The following CD109 variants were observed in gnomAD, a reference collection of about 807,000 sequenced individuals.
CD109 encodes CD109 antigen.
CD109 carries 149 observed loss-of-function variants against 165.8 expected under a neutral mutation model. The observed-to-expected ratio is 0.90, with a 90% CI of 0.79 to 1.03. The LOEUF (loss-of-function observed/expected upper bound fraction) is 1.03. Ranked by LOEUF, CD109 falls within the 50% of genes least tolerant of loss-of-function variation. CD109 has a pLI of 0.00. For synonymous variants in CD109, 585 were observed against 592.1 expected (o/e 0.99, Z 0.18); for missense variants, 1,712 against 1,677.8 (o/e 1.02, Z -0.36).
intron 11 of CD109, among the ~76,000 whole-genome samples, 173 bp downstream of exon 11, chr6:73,766,327 A>G (rs958214723): frequency 6.6e-6 from 1 of 152,172 alleles, no homozygotes; most frequent in Admixed American, 6.5e-5. Flanking sequence ...GCTGAAGGTT[A>G]GACTAAATTT....
intron 30 of CD109, among the ~76,000 whole-genome samples, chr6:73,815,723 G>A (rs1775913284): frequency 6.6e-6 from 1 of 152,108 alleles, no homozygotes; most frequent in Admixed American, 6.6e-5. Flanking sequence ...AGGAAAAAGG[G>A]TTCTACCTCA....
Position 73,788,527 on chromosome 6 carries a change from G to T in CD109, c.2616G>T (p.Arg872Ser). ...QSILLDLTDNRLQSTLKTLSF... is the reference protein window; with the variant it reads ...QSILLDLTDNSLQSTLKTLSF... ...TCTTATTAGACTTGACTGACAATAG[G>T]CTACAGAGTACCCTGAAAACTTTGA... Residue 872 changes from arginine to serine, a missense_variant, in exon 22 of 33, where the codon AGG (arginine) becomes AGT (serine). Arg to Ser is a moderately radical substitution (Grantham distance 110). Coordinates refer to ENST00000287097, the MANE Select transcript of CD109 (RefSeq NM_133493.5). 6.2e-7 allele frequency: 1 copy of T among 1,612,932 alleles called. No homozygotes were observed. Among genetic ancestry groups the T allele is most frequent in the Non-Finnish European group, 8.5e-7 (1 of 1,179,488 alleles).
chr6:73,800,811 G>A (rs1775335531), intron 23 of CD109, among the ~76,000 whole-genome samples: 1 of 151,754 alleles, frequency 6.6e-6, no homozygotes, highest in Non-Finnish European at 1.5e-5. Flanking sequence ...CTTTATATAT[G>A]TATATACATG....
rs1306000925 is a variant in CD109 at position 73,768,061 on chromosome 6, T to C, written c.1504T>C (p.Ser502Pro). 1 of 1,612,810 alleles carries C rather than the reference T, an allele frequency of 6.2e-7. No homozygotes were observed. Among genetic ancestry groups the C allele is most frequent in the Non-Finnish European group, 8.5e-7 (1 of 1,179,310 alleles). ...RLKELSYMVV[S>P]RGQLVAVGKQ... The stretch of plus-strand genomic sequence containing the variant: ...CATCTACTGTTCTTTTCAGGTAGTA[T>C]CCAGGGGACAGTTGGTGGCTGTAGG... Residue 502 changes from serine to proline, a missense_variant, in exon 14 of 33, where the codon TCC (serine) becomes CCC (proline). Physicochemically the swap from Ser to Pro is moderately conservative, Grantham distance 74 (BLOSUM62 -1). Transcript: ENST00000287097.
chr6:73,813,361 G>A lies in CD109; in HGVS notation c.3768+1091G>A, dbSNP rs1775816110. Reference sequence around the variant, plus strand: ...TTATATGTACTTAAATCACCAAGTTGGTTGGAATTCATTTTTGATAAACCA... The same window carrying A: ...TTATATGTACTTAAATCACCAAGTTAGTTGGAATTCATTTTTGATAAACCA... On this transcript the variant is annotated intron_variant, in intron 29 of 32. Coordinates refer to ENST00000287097, the MANE Select transcript of CD109 (RefSeq NM_133493.5). Among the ~76,000 whole-genome samples the A allele has an allele frequency of 2.0e-5, 3 of 152,236 alleles. No homozygotes were observed. The South Asian group carries it at 6.2e-4, about 32-fold the overall frequency.
upstream of CD109, among the ~76,000 whole-genome samples, chr6:73,691,843 C>T (rs966906262): frequency 2.6e-5 from 4 of 151,966 alleles, no homozygotes; most frequent in Non-Finnish European, 5.9e-5. Context: ...ACACCTGAGA[C>T]TGGGTAACTT....
At chr6:73,739,623 C>T (rs562179825) in intron 5 of CD109, among the ~76,000 whole-genome samples, 69 of 152,044 alleles carry the variant, frequency 4.5e-4, no homozygotes, top group African/African-American at 1.2e-3. Context: ...CCGAGGCGGG[C>T]GGATCACGAG....
intron 15 of CD109, among the ~76,000 whole-genome samples, chr6:73,774,702 G>A (rs1313933966): frequency 1.3e-5 from 2 of 152,158 alleles, no homozygotes; most frequent in African/African-American, 2.4e-5. Context: ...GGAAATAAGA[G>A]CAAAGTTTAA....
intron 2 of CD109, among the ~76,000 whole-genome samples, chr6:73,701,664 A>G (rs976586522): frequency 6.6e-6 from 1 of 152,340 alleles, no homozygotes. Context: ...ACAATTTGAC[A>G]TTTTCATTTG....
intron 2 of CD109, among the ~76,000 whole-genome samples, chr6:73,715,661 A>G (rs1437541145): frequency 6.6e-6 from 1 of 152,056 alleles, no homozygotes; most frequent in East Asian, 1.9e-4. Flanking sequence ...GAAGATGTAT[A>G]TATTTACAGG....
intron 31 of CD109, 42 bp from the exon 32 acceptor site, chr6:73,820,419 C>A: frequency 9.2e-7 from 1 of 1,086,380 alleles, no homozygotes; most frequent in Non-Finnish European, 1.4e-6. Flanking sequence ...ATCATGAACA[C>A]ACAGTGTGCC....
At chr6:73,723,106 C>A in intron 2 of CD109, 145 bp from the exon 3 acceptor site, 2 of 1,533,280 alleles carry the variant, frequency 1.3e-6, no homozygotes, top group Non-Finnish European at 1.7e-6. Context: ...GTCTTCTGGG[C>A]ATTTAAATGT....
At chr6:73,689,559 C>T in the CD109 span, among the ~76,000 whole-genome samples, 1 of 152,088 alleles carries the variant, frequency 6.6e-6, no homozygotes, top group Admixed American at 6.5e-5. Flanking sequence ...TTCTTATATC[C>T]TTACACTACT....
intron 23 of CD109, among the ~76,000 whole-genome samples, chr6:73,796,324 C>T (rs990910773): frequency 6.6e-6 from 1 of 152,148 alleles, no homozygotes; most frequent in Non-Finnish European, 1.5e-5. Context: ...CTGGAGCTGG[C>T]TGTATCTGGA....
At chr6:73,742,029 A>C (rs867551621) in intron 5 of CD109, among the ~76,000 whole-genome samples, 16 of 152,238 alleles carry the variant, frequency 1.1e-4, no homozygotes, top group African/African-American at 3.9e-4. Context: ...ATAACGTAAA[A>C]TTTGCCATTG....
Position 73,810,059 on chromosome 6 carries a change from T to C in CD109, c.3431T>C (p.Val1144Ala). The change falls in exon 27 of 33, where the codon GTT becomes GCT. Residue 1144 changes from valine to alanine, a missense_variant. Coordinates refer to ENST00000287097, the MANE Select transcript of CD109 (RefSeq NM_133493.5). ...CAGCCACGCTCCCTGGATATTGAAG[T>C]TGCAGCCTATGCACTGCTCTCACAC... ...SWQPRSLDIE[V>A]AAYALLSHFL... 3 of 1,607,820 alleles carry C rather than the reference T, an allele frequency of 1.9e-6. No homozygotes were observed. Among genetic ancestry groups the C allele is most frequent in the East Asian group, 2.3e-5 (1 of 44,312 alleles).
intron 4 of CD109, among the ~76,000 whole-genome samples, chr6:73,734,983 C>T (rs1271169136): frequency 1.3e-5 from 2 of 152,130 alleles, no homozygotes; most frequent in African/African-American, 4.8e-5. Flanking sequence ...AAGAAGTCAC[C>T]TCTGCCTATT....
intron 23 of CD109, among the ~76,000 whole-genome samples, chr6:73,800,177 AC>A (rs1775311625): frequency 6.6e-6 from 1 of 152,088 alleles, no homozygotes; most frequent in African/African-American, 2.4e-5. Flanking sequence ...CCTTTTTATT[AC>A]ACAGAAGATA....
chr6:73,817,012 AG>A (rs1775960557), intron 30 of CD109, among the ~76,000 whole-genome samples: 2 of 152,186 alleles, frequency 1.3e-5, no homozygotes, highest in Non-Finnish European at 2.9e-5. Flanking sequence ...ATGTGAGGGT[AG>A]GGGTTTTATA....
Sources: allele counts gnomAD v4.1 joint callset (sites outside exome capture counted in the v4.1 genomes callset), GRCh38; gene constraint gnomAD v4.1.1; transcripts MANE v1.5; gene names NCBI Gene and HGNC (gene_info 2026-07-23, HGNC 2026-07-21).